The following TRIO variants were observed in gnomAD, a reference collection of about 807,000 sequenced individuals.
TRIO encodes triple functional domain protein.
Under a neutral mutation model 351.9 loss-of-function variants are expected in TRIO, and 58 were observed. That is an observed-to-expected ratio of 0.16 (90% CI 0.13 to 0.21). The LOEUF is 0.21. TRIO is among the 10% of genes least tolerant of loss of function. The pLI is 1.00. For synonymous variants in TRIO, 1,758 were observed against 1,595.7 expected (o/e 1.10, Z -2.42); for missense variants, 3,201 against 4,027.8 (o/e 0.79, Z 5.56).
intron 1 of TRIO, among the ~76,000 whole-genome samples, chr5:14,259,018 C>A (rs1410495966): frequency 6.6e-6 from 1 of 152,170 alleles, no homozygotes; most frequent in Non-Finnish European, 1.5e-5. Flanking sequence ...GAGGAGACGC[C>A]ACCAGGCCAC....
At chr5:14,367,542 G>C (rs536489885) in intron 16 of TRIO, among the ~76,000 whole-genome samples, 5 of 152,272 alleles carry the variant, frequency 3.3e-5, no homozygotes, top group East Asian at 1.9e-4. Context: ...CAGAACTGTC[G>C]CAAAATGACT....
In TRIO at chr5:14,252,974, G is replaced by A. The variant is rs565119330; in HGVS notation, c.158-17851G>A. 5.9e-5 allele frequency among the ~76,000 whole-genome samples: 9 copies of A among 152,308 alleles called. No individual in the cohort carries two copies. In the South Asian group the frequency reaches 8.3e-4, roughly 14 times the overall value. On this transcript the variant is annotated intron_variant, in intron 1 of 56. Coordinates refer to ENST00000344204, the MANE Select transcript of TRIO (RefSeq NM_007118.4). ...CACACTGCTATCATTTCGCCTCACTGGGGCAGCCTGGCCCCAAAATTACAA... is the reference window on the plus strand; with the variant it reads ...CACACTGCTATCATTTCGCCTCACTAGGGCAGCCTGGCCCCAAAATTACAA...
At chr5:14,316,418 G>A in intron 8 of TRIO, 95 bp from the exon 9 acceptor site, 3 of 1,230,828 alleles carry the variant, frequency 2.4e-6, no homozygotes, top group Non-Finnish European at 3.5e-6. Flanking sequence ...GTGTGTGCCT[G>A]TATGTGCACA....
chr5:14,320,251 G>C (rs923843220), intron 9 of TRIO, among the ~76,000 whole-genome samples: 6 of 152,192 alleles, frequency 3.9e-5, no homozygotes, highest in African/African-American at 1.4e-4. Flanking sequence ...GTATGCTTTA[G>C]TTTTCTCTAG....
In TRIO at chr5:14,388,687, A is replaced by T; in HGVS notation, c.3948+8A>T. Reference sequence around the variant, plus strand: ...CTCCGGGAATGTATGGATGTAAGTAAGTTTTTTTTTTTTTTTTTTGCTTGT... The same window carrying T: ...CTCCGGGAATGTATGGATGTAAGTATGTTTTTTTTTTTTTTTTTTGCTTGT... On this transcript the variant is annotated splice_region_variant and intron_variant, in intron 24 of 56. Coordinates refer to ENST00000344204, the MANE Select transcript of TRIO (RefSeq NM_007118.4). 2 of 1,463,266 alleles carry T rather than the reference A, an allele frequency of 1.4e-6. No homozygotes were observed. Among genetic ancestry groups the T allele is most frequent in the Non-Finnish European group, 9.3e-7 (1 of 1,076,534 alleles). 90.6% of individuals were successfully genotyped at this position (1,463,266 alleles called of 1,614,324 possible). A position where few individuals can be genotyped will look rare whatever the true frequency, so the allele number is the denominator to read the frequency against.
chr5:14,167,548 C>T (rs946089453), intron 1 of TRIO, among the ~76,000 whole-genome samples: 3 of 152,000 alleles, frequency 2.0e-5, no homozygotes, highest in African/African-American at 7.2e-5. Context: ...GAAAAGATAC[C>T]CATTGTTTAA....
chr5:14,161,580 G>C (rs971440743), intron 1 of TRIO, among the ~76,000 whole-genome samples: 1 of 152,204 alleles, frequency 6.6e-6, no homozygotes, highest in South Asian at 2.1e-4. Flanking sequence ...AAGTGCAGTA[G>C]ATGGTTGTTG....
At chr5:14,373,191 T>G (rs1167133417) in intron 18 of TRIO, among the ~76,000 whole-genome samples, 1 of 152,180 alleles carries the variant, frequency 6.6e-6, no homozygotes, top group Admixed American at 6.5e-5. Context: ...ATGTGGAGAT[T>G]ACAATTCGGA....
chr5:14,424,575 C>T (rs1363631798), intron 34 of TRIO, among the ~76,000 whole-genome samples: 1 of 152,140 alleles, frequency 6.6e-6, no homozygotes, highest in Non-Finnish European at 1.5e-5. Context: ...CAGGATGCTA[C>T]GTTTTACTAT....
At chr5:14,164,472 A>T (rs1788648613) in intron 1 of TRIO, among the ~76,000 whole-genome samples, 2 of 152,172 alleles carry the variant, frequency 1.3e-5, no homozygotes, top group African/African-American at 4.8e-5. Flanking sequence ...GGTTCTGTAA[A>T]GCCACATGTC....
chr5:14,319,096 A>T (rs998012901), intron 9 of TRIO, among the ~76,000 whole-genome samples: 34 of 152,234 alleles, frequency 2.2e-4, no homozygotes, highest in African/African-American at 7.7e-4. Flanking sequence ...AAAGGTAATT[A>T]TAATTATGAG....
intron 1 of TRIO, among the ~76,000 whole-genome samples, chr5:14,195,825 C>G (rs1213162838): frequency 6.6e-6 from 1 of 152,124 alleles, no homozygotes; most frequent in African/African-American, 2.4e-5. Flanking sequence ...GGGGACAGTT[C>G]AGGCTGTGCC....
At chr5:14,308,159 G>T (rs141457299) in intron 8 of TRIO, among the ~76,000 whole-genome samples, 155 of 152,210 alleles carry the variant, frequency 1.0e-3, no homozygotes, top group African/African-American at 3.6e-3. Flanking sequence ...TTGTTTGTTT[G>T]TGAGGTGTCA....
At chr5:14,171,802 T>G (rs1478105642) in intron 1 of TRIO, among the ~76,000 whole-genome samples, 2 of 152,056 alleles carry the variant, frequency 1.3e-5, no homozygotes, top group Non-Finnish European at 2.9e-5. Context: ...GGTCGGTGGT[T>G]AGTAGATATG....
chr5:14,506,080 C>G (rs1324576512), intron 55 of TRIO, among the ~76,000 whole-genome samples: 2 of 152,170 alleles, frequency 1.3e-5, no homozygotes, highest in African/African-American at 4.8e-5. Flanking sequence ...GGCCTGGGAG[C>G]CTCAGGACCC....
At chr5:14,423,205 GT>G in intron 34 of TRIO, among the ~76,000 whole-genome samples, 1 of 152,312 alleles carries the variant, frequency 6.6e-6, no homozygotes, top group East Asian at 1.9e-4. Flanking sequence ...GCTGTCTGCC[GT>G]TACCTCAGAG....
Position 14,231,926 on chromosome 5 carries a change from T to G in TRIO, c.158-38899T>G, listed in dbSNP as rs573237601. On this transcript the variant is annotated intron_variant, in intron 1 of 56. Transcript: ENST00000344204. ...AAAACAAATACTCGTTGGGAATCTA[T>G]ATGTAGAAGATCATTCAGGCAAAGA... Among the ~76,000 whole-genome samples, 5 of 152,056 alleles carry G rather than the reference T, an allele frequency of 3.3e-5. No individual in the cohort carries two copies. The East Asian group carries it at 9.7e-4, about 29-fold the overall frequency.
chr5:14,497,056 C>T lies in TRIO; in HGVS notation c.8019+39C>T, dbSNP rs771155405. The T allele has an allele frequency of 6.2e-7, 1 of 1,608,756 alleles. No individual in the cohort carries two copies. The highest frequency in any genetic ancestry group is 1.1e-5 in the South Asian group (1 of 90,472). ...TCTTCAGGAGTCCGTGTCATCCCAG[C>T]ATGAGAGAAAGGATCAGGGAGGGCA... On this transcript the variant is annotated intron_variant, in intron 50 of 56. Coordinates refer to ENST00000344204, the MANE Select transcript of TRIO (RefSeq NM_007118.4). The surrounding 1 kb of genome is among the most constrained non-coding windows in gnomAD (Gnocchi z 4.4).
chr5:14,236,470 T>C (rs1225505863), intron 1 of TRIO, among the ~76,000 whole-genome samples: 1 of 152,210 alleles, frequency 6.6e-6, no homozygotes, highest in African/African-American at 2.4e-5. Flanking sequence ...ATATATGCAC[T>C]TATTTTTCTA....
Sources: allele counts gnomAD v4.1 joint callset (sites outside exome capture counted in the v4.1 genomes callset), GRCh38; gene constraint gnomAD v4.1.1; non-coding constraint Gnocchi (gnomAD v3.1); transcripts MANE v1.5; gene names NCBI Gene and HGNC (gene_info 2026-07-23, HGNC 2026-07-21).